The following CTNNA3 variants were observed in gnomAD, a reference collection of about 807,000 sequenced individuals.
CTNNA3 encodes catenin alpha 3, also known as catenin alpha-3.
CTNNA3 carries 76 observed loss-of-function variants against 95.7 expected under a neutral mutation model. The observed-to-expected ratio is 0.79, with a 90% confidence interval of 0.66 to 0.96. The LOEUF (loss-of-function observed/expected upper bound fraction) is 0.96. Among genes scored for constraint, CTNNA3 ranks in the 40% least tolerant of loss-of-function variants. The pLI, the probability that CTNNA3 is intolerant of heterozygous loss-of-function variation, is 0.00. For missense variants in CTNNA3, 1,191 were observed against 1,089.8 expected (o/e 1.09, Z -1.31); for synonymous variants, 431 against 374.4 (o/e 1.15, Z -1.74).
At chr10:67,688,841 G>A (rs1229965315) in intron 1 of CTNNA3, among the ~76,000 whole-genome samples, 1 of 152,042 alleles carries the variant, frequency 6.6e-6, no homozygotes, top group African/African-American at 2.4e-5. Flanking sequence ...AACACCTCTT[G>A]CCCAAGAACC....
At chr10:67,046,532 G>A (rs766869957) in intron 7 of CTNNA3, among the ~76,000 whole-genome samples, 20 of 152,088 alleles carry the variant, frequency 1.3e-4, no homozygotes, top group Non-Finnish European at 2.2e-4. Context: ...GAATCTATCC[G>A]TCTTTCATCC....
chr10:66,741,566 C>T (rs1285002015), intron 9 of CTNNA3, among the ~76,000 whole-genome samples: 1 of 152,172 alleles, frequency 6.6e-6, no homozygotes. Context: ...CAATTCACTA[C>T]ACAATGCATG....
chr10:67,052,228 T>C (rs988287654), intron 7 of CTNNA3, among the ~76,000 whole-genome samples: 2 of 151,750 alleles, frequency 1.3e-5, no homozygotes, highest in African/African-American at 4.8e-5. Context: ...TCCGAGAAAA[T>C]TCTGACTGCA....
At chr10:67,689,714 A>G (rs775726759) in intron 1 of CTNNA3, among the ~76,000 whole-genome samples, 28 of 152,098 alleles carry the variant, frequency 1.8e-4, no homozygotes, top group Non-Finnish European at 2.6e-4. Flanking sequence ...AAGTACCATT[A>G]AAGTGGAAGC....
chr10:67,751,132 A>T, intron 1 of CTNNA3: 1 of 1,340,320 alleles, frequency 7.5e-7, no homozygotes, highest in Non-Finnish European at 1.1e-6. Flanking sequence ...TTGAATGATG[A>T]GGAGATGGCA....
chr10:65,921,336 T>A (rs1463893875), intron 17 of CTNNA3, among the ~76,000 whole-genome samples: 2 of 152,240 alleles, frequency 1.3e-5, no homozygotes, highest in East Asian at 1.9e-4. Context: ...TACCTATAAA[T>A]CCTTGACAAC....
At chr10:66,879,377 C>A (rs763036947) in intron 7 of CTNNA3, among the ~76,000 whole-genome samples, 2 of 151,986 alleles carry the variant, frequency 1.3e-5, no homozygotes, top group Non-Finnish European at 1.5e-5. Context: ...ACCTCACACT[C>A]GAAATAAAAG....
chr10:67,452,061 TGGAAGGAAGGAAGGAAGGAAGGAA>T (rs59544939), intron 5 of CTNNA3, among the ~76,000 whole-genome samples: 1 of 121,006 alleles, frequency 8.3e-6, no homozygotes, highest in Non-Finnish European at 1.7e-5. Flanking sequence ...GAGGGAGGAA[TGGAAGGAAGGAAGGAAGGAAGGAA>T]GGAAGGAAGG....
chr10:66,990,124 A>C (rs16923895), intron 7 of CTNNA3, among the ~76,000 whole-genome samples: 2,450 of 152,264 alleles, frequency 0.016, 91 homozygotes, highest in East Asian at 0.16. Context: ...CAAGCTTGTC[A>C]GTAGACATCA....
chr10:66,309,231 C>T (rs1295680585), intron 12 of CTNNA3, among the ~76,000 whole-genome samples: 1 of 152,140 alleles, frequency 6.6e-6, no homozygotes, highest in Non-Finnish European at 1.5e-5. Context: ...ACTATATATA[C>T]TCTGCTCTTA....
intron 8 of CTNNA3, among the ~76,000 whole-genome samples, chr10:66,771,604 G>A (rs1179994611): frequency 1.3e-5 from 2 of 152,190 alleles, no homozygotes; most frequent in African/African-American, 4.8e-5. Flanking sequence ...GGCTGGGGTT[G>A]GATGGACCTG....
chr10:66,549,536 C>T (rs1012348478), intron 10 of CTNNA3, among the ~76,000 whole-genome samples: 6 of 151,996 alleles, frequency 3.9e-5, no homozygotes. Flanking sequence ...TGCTTACTTG[C>T]TCACTTACTT....
At chr10:67,559,213 C>A (rs1027205577) in intron 3 of CTNNA3, among the ~76,000 whole-genome samples, 1 of 152,234 alleles carries the variant, frequency 6.6e-6, no homozygotes, top group Non-Finnish European at 1.5e-5. Context: ...TCCTCACCCC[C>A]GAGCAGCCTA....
rs531590475 is a variant in CTNNA3, at chr10:67,177,071, A to T, written c.1047+3246T>A. ...AATAGAAAACTAACCAAACATATAT[A>T]CATATGTATCCACTCATATAAATTT... On this transcript the variant is annotated intron_variant, in intron 7 of 17. Transcript: ENST00000433211. 78 of 428,116 alleles carry T rather than the reference A, an allele frequency of 1.8e-4. 1 individual carries two copies. The highest frequency in any genetic ancestry group is 1.3e-3 in the South Asian group (75 of 59,262). The allele number at this position is 428,116 out of a possible 1,614,324, so 26.5% of individuals were successfully genotyped here. A position where few individuals can be genotyped will look rare whatever the true frequency, so the allele number is the denominator to read the frequency against.
intron 13 of CTNNA3, among the ~76,000 whole-genome samples, chr10:66,257,593 T>C (rs1005683764): frequency 3.9e-5 from 6 of 152,254 alleles, no homozygotes; most frequent in Non-Finnish European, 8.8e-5. Context: ...AATACTTCTC[T>C]TCCTGGTCAA....
chr10:66,508,283 G>A (rs1840535605), intron 11 of CTNNA3, among the ~76,000 whole-genome samples: 1 of 147,024 alleles, frequency 6.8e-6, no homozygotes, highest in African/African-American at 2.5e-5. Flanking sequence ...TGTCCAGCCT[G>A]CACGGTAGAG....
At chr10:66,683,349 A>G (rs1426735271) in intron 9 of CTNNA3, among the ~76,000 whole-genome samples, 1 of 152,226 alleles carries the variant, frequency 6.6e-6, no homozygotes, top group Non-Finnish European at 1.5e-5. Flanking sequence ...AGACTAGCAG[A>G]AAGTTTCACT....
At chr10:66,799,684 T>G (rs1294890208) in intron 7 of CTNNA3, among the ~76,000 whole-genome samples, 3 of 151,230 alleles carry the variant, frequency 2.0e-5, no homozygotes, top group African/African-American at 2.4e-5. Context: ...AAAATGAAAC[T>G]GAAAGCAATA....
In CTNNA3 at chr10:66,015,907, C is replaced by A. The variant is rs577373919; in HGVS notation, c.2160-27110G>T. Among the ~76,000 whole-genome samples the A allele has an allele frequency of 1.9e-4, 29 of 152,088 alleles. No individual in the cohort carries two copies. In the South Asian group the frequency reaches 4.4e-3, roughly 23 times the overall value. Reference sequence around the variant, plus strand: ...TGTACATATATATGAAAATATGCAGCAATTTAGCAAGTATGATACTAAATA... The same window carrying A: ...TGTACATATATATGAAAATATGCAGAAATTTAGCAAGTATGATACTAAATA... On this transcript the variant is annotated intron_variant, in intron 15 of 17. Coordinates refer to ENST00000433211, the MANE Select transcript of CTNNA3 (RefSeq NM_013266.4).
Sources: allele counts gnomAD v4.1 joint callset (sites outside exome capture counted in the v4.1 genomes callset), GRCh38; gene constraint gnomAD v4.1.1; transcripts MANE v1.5; gene names NCBI Gene and HGNC (gene_info 2026-07-23, HGNC 2026-07-21).